The following GCNT1 variants were observed in gnomAD, a reference collection of about 807,000 sequenced individuals.
The protein encoded by GCNT1 is glucosaminyl (N-acetyl) transferase 1, also known as beta-1,3-galactosyl-O-glycosyl-glycoprotein beta-1,6-N-acetylglucosaminyltransferase.
A neutral mutation model predicts 26.2 loss-of-function variants in GCNT1; 16 were observed. That is an observed-to-expected ratio of 0.61 (90% CI 0.41 to 0.93). The LOEUF is 0.93. GCNT1 is among the 40% of genes least tolerant of loss of function. GCNT1 has a pLI of 0.00. For synonymous variants in GCNT1, 183 were observed against 190.8 expected, an observed-to-expected ratio of 0.96 and a Z score of 0.34; for missense variants, 477 against 526.7, an observed-to-expected ratio of 0.91 and a Z score of 0.92.
intron 1 of GCNT1, among the ~76,000 whole-genome samples, chr9:76,444,835 C>T (rs559406198): frequency 2.0e-5 from 3 of 152,176 alleles, no homozygotes; most frequent in Non-Finnish European, 4.4e-5. Flanking sequence ...AACCACAGCA[C>T]CTTCTTCCCT....
upstream of GCNT1, among the ~76,000 whole-genome samples, chr9:76,456,376 G>A (rs1439411262): frequency 6.6e-6 from 1 of 152,038 alleles, no homozygotes; most frequent in Non-Finnish European, 1.5e-5. Flanking sequence ...GCTGGGTACC[G>A]CCCCCTCCTT....
At chr9:76,496,610 C>A (rs1824913458) in intron 2 of GCNT1, among the ~76,000 whole-genome samples, 1 of 152,128 alleles carries the variant, frequency 6.6e-6, no homozygotes, top group Admixed American at 6.5e-5. Flanking sequence ...CTTTTAGTGA[C>A]CATATCGTCA....
At chr9:76,481,774 C>A (rs1417458961) in intron 2 of GCNT1, among the ~76,000 whole-genome samples, 1 of 152,146 alleles carries the variant, frequency 6.6e-6, no homozygotes, top group Admixed American at 6.5e-5. Context: ...TGGATCCTGG[C>A]AAAAGACACA....
chr9:76,476,487 G>C (rs969263607), intron 2 of GCNT1, among the ~76,000 whole-genome samples: 1 of 150,938 alleles, frequency 6.6e-6, no homozygotes, highest in Admixed American at 6.6e-5. Flanking sequence ...TTTCAAAGTA[G>C]ACAATGAGAT....
chr9:76,474,067 T>A (rs1824201433), intron 2 of GCNT1, among the ~76,000 whole-genome samples: 1 of 152,178 alleles, frequency 6.6e-6, no homozygotes, highest in Admixed American at 6.6e-5. Flanking sequence ...GCCACTGCAC[T>A]CTAGCTTGGG....
At chr9:76,494,070 C>G (rs1824830464) in intron 2 of GCNT1, among the ~76,000 whole-genome samples, 1 of 151,836 alleles carries the variant, frequency 6.6e-6, no homozygotes. Context: ...TGGTTTGTTC[C>G]CCGCCCCCCA....
At chr9:76,447,753 C>T (rs1823600945) in intron 1 of GCNT1, among the ~76,000 whole-genome samples, 1 of 152,184 alleles carries the variant, frequency 6.6e-6, no homozygotes, top group Non-Finnish European at 1.5e-5. Flanking sequence ...CATTCTTGTT[C>T]ATTTAGCATA....
upstream of GCNT1, among the ~76,000 whole-genome samples, chr9:76,440,788 G>A (rs907932127): frequency 4.6e-5 from 7 of 152,146 alleles, no homozygotes; most frequent in South Asian, 2.1e-4. Context: ...TATGCCTGCC[G>A]GGTGCAGTGA....
At chr9:76,485,115 G>A (rs1824537598) in intron 2 of GCNT1, among the ~76,000 whole-genome samples, 1 of 151,568 alleles carries the variant, frequency 6.6e-6, no homozygotes, top group Non-Finnish European at 1.5e-5. Flanking sequence ...CATACTTGTT[G>A]GCATATTTTA....
At chr9:76,498,924 T>C (rs1186593555) in intron 2 of GCNT1, among the ~76,000 whole-genome samples, 1 of 151,986 alleles carries the variant, frequency 6.6e-6, no homozygotes. Flanking sequence ...AATTTGTCTG[T>C]ATATATATAC....
At chr9:76,480,134 T>C (rs1824380564) in intron 2 of GCNT1, among the ~76,000 whole-genome samples, 1 of 152,238 alleles carries the variant, frequency 6.6e-6, no homozygotes, top group Non-Finnish European at 1.5e-5. Context: ...TTTCTTGTTT[T>C]TGTCAGGTTT....
chr9:76,406,568 G>A, the GCNT1 span, among the ~76,000 whole-genome samples: 1 of 151,892 alleles, frequency 6.6e-6, no homozygotes, highest in African/African-American at 2.4e-5. Flanking sequence ...GGGTGTGGTG[G>A]CGTGCACCTG....
chr9:76,476,387 G>GT (rs1824252003), intron 2 of GCNT1, among the ~76,000 whole-genome samples: 1 of 150,982 alleles, frequency 6.6e-6, no homozygotes, highest in African/African-American at 2.4e-5. Flanking sequence ...TAAAACCGTG[G>GT]TGTTCTATTT....
In GCNT1 at chr9:76,502,922, C is replaced by T. The variant is rs570491038; in HGVS notation, c.541C>T (p.Arg181Ter). 13 of 1,613,300 alleles carry T rather than the reference C, an allele frequency of 8.1e-6. No homozygotes were observed. The highest frequency in any genetic ancestry group is 1.1e-5 in the South Asian group (1 of 91,072). Reference protein sequence around the residue: ...SCFSNVFVASRLESVVYASWS... With the variant: ...SCFSNVFVAS ...TTTTAGTAATGTCTTTGTGGCCAGC[C>T]GATTGGAGAGTGTGGTTTATGCATC... Residue 181 changes from arginine to a stop codon, truncating the protein, a stop_gained, in exon 4 of 4, where the codon CGA becomes TGA. Coordinates refer to ENST00000376730, the MANE Select transcript of GCNT1 (RefSeq NM_001490.5). LOFTEE classifies it high-confidence loss of function.
intron 2 of GCNT1, among the ~76,000 whole-genome samples, chr9:76,467,897 GTTTTTTTTTTTTTTT>G (rs35387152): frequency 8.5e-5 from 5 of 59,054 alleles, no homozygotes; most frequent in Non-Finnish European, 1.2e-4. Flanking sequence ...CTCTTTCAGT[GTTTTTTTTTTTTTTT>G]TTTTTTTTTT....
intron 1 of GCNT1, among the ~76,000 whole-genome samples, chr9:76,420,803 G>A (rs1212860546): frequency 6.6e-6 from 1 of 152,054 alleles, no homozygotes; most frequent in Non-Finnish European, 1.5e-5. Flanking sequence ...GCCAGGCTTG[G>A]TGGCATGCAG....
chr9:76,479,205 G>A (rs1484186950), intron 2 of GCNT1, among the ~76,000 whole-genome samples: 1 of 152,214 alleles, frequency 6.6e-6, no homozygotes, highest in Non-Finnish European at 1.5e-5. Flanking sequence ...TTTTATGGCT[G>A]CATAGTAGTC....
At chr9:76,438,813 A>T (rs1478130245), upstream of GCNT1, among the ~76,000 whole-genome samples, 1 of 152,030 alleles carries the variant, frequency 6.6e-6, no homozygotes, top group Non-Finnish European at 1.5e-5. Flanking sequence ...AAAAAAAAAA[A>T]ACTCATAATG....
chr9:76,403,813 G>A, the GCNT1 span, among the ~76,000 whole-genome samples: 1 of 152,206 alleles, frequency 6.6e-6, no homozygotes, highest in African/African-American at 2.4e-5. Flanking sequence ...GAAAAAGGAG[G>A]AGAAGAGCAC....
Sources: allele counts gnomAD v4.1 joint callset (sites outside exome capture counted in the v4.1 genomes callset), GRCh38; gene constraint gnomAD v4.1.1; transcripts MANE v1.5; gene names NCBI Gene and HGNC (gene_info 2026-07-23, HGNC 2026-07-21).